The following NRF1 variants were observed in gnomAD, a reference collection of about 807,000 sequenced individuals.
The protein encoded by NRF1 is alpha palindromic-binding protein.
In NRF1, 5 loss-of-function variants were observed where a neutral mutation model predicts 58.5. The observed-to-expected ratio is 0.09, with a 90% CI of 0.04 to 0.18. The LOEUF is 0.18. NRF1 is among the 10% of genes least tolerant of loss of function. NRF1 has a pLI of 1.00. For missense variants in NRF1, 288 were observed against 657.7 expected (o/e 0.44, Z 6.15); for synonymous variants, 224 against 246.7 (o/e 0.91, Z 0.86).
chr7:129,637,419 A>G (rs1021375748), intron 1 of NRF1, among the ~76,000 whole-genome samples: 2 of 152,178 alleles, frequency 1.3e-5, no homozygotes, highest in African/African-American at 4.8e-5. Flanking sequence ...AGAAGAGCTT[A>G]TGCTGTTTGT....
intron 10 of NRF1, among the ~76,000 whole-genome samples, chr7:129,743,136 C>G (rs537524421): frequency 6.6e-6 from 1 of 151,068 alleles, no homozygotes; most frequent in East Asian, 1.9e-4. Context: ...TTTTTTTCTC[C>G]AAGGATTTCA....
chr7:129,710,076 T>A (rs1803039238), intron 6 of NRF1, among the ~76,000 whole-genome samples: 1 of 152,228 alleles, frequency 6.6e-6, no homozygotes, highest in Non-Finnish European at 1.5e-5. Flanking sequence ...AGAATCTTAA[T>A]ATGCCATTCT....
At chr7:129,729,389 T>C (rs1483717873) in intron 10 of NRF1, among the ~76,000 whole-genome samples, 4 of 152,250 alleles carry the variant, frequency 2.6e-5, no homozygotes, top group African/African-American at 7.2e-5. Flanking sequence ...TGTTGTTGGC[T>C]ACATTTGTGA....
At chr7:129,745,286 AC>A in intron 10 of NRF1, among the ~76,000 whole-genome samples, 1 of 152,004 alleles carries the variant, frequency 6.6e-6, no homozygotes, top group Non-Finnish European at 1.5e-5. Context: ...TTTACTGGGT[AC>A]CCCTTGCCTT....
chr7:129,709,277 T>C, intron 6 of NRF1, 44 bp downstream of exon 6: 1 of 1,398,396 alleles, frequency 7.2e-7, no homozygotes, highest in Non-Finnish European at 9.4e-7. Context: ...TTTTCCATCC[T>C]AAATTAACCA....
chr7:129,694,681 T>C (rs1802646546), intron 5 of NRF1, among the ~76,000 whole-genome samples: 1 of 152,154 alleles, frequency 6.6e-6, no homozygotes, highest in South Asian at 2.1e-4. Context: ...AGCTCTCTTT[T>C]ATAATTGATC....
intron 10 of NRF1, among the ~76,000 whole-genome samples, chr7:129,730,520 A>G (rs1315668230): frequency 6.6e-6 from 1 of 152,240 alleles, no homozygotes; most frequent in Non-Finnish European, 1.5e-5. Context: ...CAATTTGGAT[A>G]TCATTCAGTT....
In NRF1 at chr7:129,706,091, G is replaced by A. The variant is rs184516354; in HGVS notation, c.607-2984G>A. On this transcript the variant is annotated intron_variant, in intron 5 of 10. Transcript: ENST00000393232. ...GGGGACAGAACAAAGGCAAAGAAGCGGGAATGGGCTTAGCAGCTCTTAAGA... is the reference window on the plus strand; with the variant it reads ...GGGGACAGAACAAAGGCAAAGAAGCAGGAATGGGCTTAGCAGCTCTTAAGA... 2.1e-3 allele frequency among the ~76,000 whole-genome samples: 313 copies of A among 152,302 alleles called. 3 individuals are homozygous for A. Among genetic ancestry groups the A allele is most frequent in the African/African-American group, 6.7e-3 (279 of 41,562 alleles).
At chr7:129,657,299 A>T in intron 1 of NRF1, 47 bp from the exon 2 acceptor site, 1 of 1,338,316 alleles carries the variant, frequency 7.5e-7, no homozygotes, top group Non-Finnish European at 1.1e-6. Flanking sequence ...ACATTGTGTT[A>T]TATTACACAC....
Position 129,617,082 on chromosome 7 carries a change from A to G in NRF1, c.-7+5258A>G, listed in dbSNP as rs187289964. The stretch of plus-strand genomic sequence containing the variant: ...TGCATGCTGATTTCTGTGGTAACAA[A>G]TGTGAAAAGTTTGGCTGATGGCTTA... On this transcript the variant is annotated intron_variant, in intron 1 of 10. Coordinates refer to ENST00000393232, the MANE Select transcript of NRF1 (RefSeq NM_005011.5). Among the ~76,000 whole-genome samples, 457 of 152,344 alleles carry G rather than the reference A, an allele frequency of 3.0e-3. 1 individual carries two copies. The highest frequency in any genetic ancestry group is 0.01 in the African/African-American group (433 of 41,570).
intron 10 of NRF1, among the ~76,000 whole-genome samples, chr7:129,751,269 G>T (rs748775382): frequency 1.3e-5 from 2 of 152,208 alleles, no homozygotes; most frequent in African/African-American, 4.8e-5. Flanking sequence ...AACAGTGGCC[G>T]ACGTGAAGAG....
intron 7 of NRF1, among the ~76,000 whole-genome samples, chr7:129,711,034 C>T (rs969453562): frequency 1.3e-5 from 2 of 151,876 alleles, no homozygotes; most frequent in South Asian, 2.1e-4. Context: ...CCTCCTGCCT[C>T]GGCCTCCTAA....
chr7:129,715,249 A>G (rs976625631), intron 8 of NRF1, among the ~76,000 whole-genome samples: 3 of 152,160 alleles, frequency 2.0e-5, no homozygotes, highest in African/African-American at 4.8e-5. Flanking sequence ...GGAGGGTGCT[A>G]TTGGCATCTA....
chr7:129,660,280 T>TCAGC (rs1801750542), intron 2 of NRF1, among the ~76,000 whole-genome samples: 5 of 150,326 alleles, frequency 3.3e-5, no homozygotes, highest in African/African-American at 1.3e-4. Context: ...CCAAACCATA[T>TCAGC]TATTCCACCC....
At chr7:129,710,275 G>C (rs1803044259) in intron 6 of NRF1, 99 bp from the exon 7 acceptor site, 2 of 1,058,052 alleles carry the variant, frequency 1.9e-6, no homozygotes, top group Middle Eastern at 2.3e-4. Context: ...GGTTTGGTTT[G>C]GTTTGATTTG....
chr7:129,626,650 T>C (rs12669389), intron 1 of NRF1, among the ~76,000 whole-genome samples: 29,592 of 152,148 alleles, frequency 0.19, 3,922 homozygotes, highest in African/African-American at 0.38. Context: ...CATTTAAACT[T>C]ACCTACTTTG....
intron 1 of NRF1, among the ~76,000 whole-genome samples, chr7:129,653,874 C>G (rs1801593609): frequency 6.6e-6 from 1 of 152,156 alleles, no homozygotes; most frequent in Non-Finnish European, 1.5e-5. Flanking sequence ...ATCCATTCAC[C>G]TACGGAAGGA....
intron 1 of NRF1, among the ~76,000 whole-genome samples, chr7:129,650,724 C>T (rs1391933990): frequency 6.6e-6 from 1 of 151,462 alleles, no homozygotes; most frequent in Admixed American, 6.6e-5. Flanking sequence ...AATAGGTAGT[C>T]ATTTTTTTTT....
At chr7:129,692,173 T>A (rs1802585057) in intron 5 of NRF1, among the ~76,000 whole-genome samples, 1 of 152,132 alleles carries the variant, frequency 6.6e-6, no homozygotes, top group African/African-American at 2.4e-5. Context: ...TCACTTCCCA[T>A]CAGCACCCAA....
Sources: allele counts gnomAD v4.1 joint callset (sites outside exome capture counted in the v4.1 genomes callset), GRCh38; gene constraint gnomAD v4.1.1; transcripts MANE v1.5; gene names NCBI Gene and HGNC (gene_info 2026-07-23, HGNC 2026-07-21).